Variants in SF3B1 observed in about 807,000 individuals in gnomAD.
SF3B1 encodes the protein pre-mRNA processing 10.
A neutral mutation model predicts 153.8 loss-of-function variants in SF3B1; 12 were observed. The ratio of observed to expected loss-of-function variants is 0.08; its 90% CI spans 0.05 to 0.13. The LOEUF is 0.13. Ranked by LOEUF, SF3B1 falls within the 10% of genes least tolerant of loss-of-function variation. SF3B1 has a pLI of 1.00. For synonymous variants in SF3B1, 498 were observed against 525.2 expected, an observed-to-expected ratio of 0.95 and a Z score of 0.71; for missense variants, 513 against 1,606.1, an observed-to-expected ratio of 0.32 and a Z score of 11.63.
At chr2:197,407,831 ATTTCT>A in intron 9 of SF3B1, 162 bp downstream of exon 9, 1 of 564,228 alleles carries the variant, frequency 1.8e-6, no homozygotes. Flanking sequence ...CATGTTGTTC[ATTTCT>A]TTTCATCTCT....
intron 2 of SF3B1, among the ~76,000 whole-genome samples, chr2:197,422,560 A>T (rs2565159): frequency 1.4e-3 from 214 of 152,228 alleles, no homozygotes; most frequent in African/African-American, 5.0e-3. Flanking sequence ...ATAATAATAA[A>T]AAAAGAAATA....
At chr2:197,419,092 G>T in intron 4 of SF3B1, 1 of 613,502 alleles carries the variant, frequency 1.6e-6, no homozygotes, top group Non-Finnish European at 2.8e-6. Context: ...TAAAACAATT[G>T]TAGTTTAGAA....
At chr2:197,422,322 C>G (rs1360667539) in intron 2 of SF3B1, among the ~76,000 whole-genome samples, 1 of 151,488 alleles carries the variant, frequency 6.6e-6, no homozygotes, top group Non-Finnish European at 1.5e-5. Flanking sequence ...CAGTTGGCAC[C>G]GCATGTTCTC....
intron 5 of SF3B1, among the ~76,000 whole-genome samples, chr2:197,417,575 T>TA (rs56204414): frequency 0.44 from 43,832 of 99,594 alleles, 8,995 homozygotes; most frequent in Middle Eastern, 0.57. Context: ...CCACCTCTAC[T>TA]AAAAAAAAAA....
Position 197,402,268 on chromosome 2 carries a change from A to C in SF3B1, c.2078-138T>G, listed in dbSNP as rs1287087827. 3.1e-6 allele frequency: 3 copies of C among 967,566 alleles called. No individual in the cohort carries two copies. Among genetic ancestry groups the C allele is most frequent in the African/African-American group, 3.3e-5 (2 of 60,506 alleles). 59.9% of individuals were successfully genotyped at this position (967,566 alleles called of 1,614,324 possible). A position where few individuals can be genotyped will look rare whatever the true frequency, so the allele number is the denominator to read the frequency against. On this transcript the variant is annotated intron_variant, in intron 14 of 24. Coordinates refer to ENST00000335508, the MANE Select transcript of SF3B1 (RefSeq NM_012433.4). This position sits in a 1 kb window ranked among gnomAD's most constrained non-coding sequence, Gnocchi z 4.6. ...CATTAAACAAAATTAGGTAAAAGCA[A>C]AACATGAACCATAGCCTGTCAGCAG...
At position 197,420,478 on chromosome 2, in the gene SF3B1, T is replaced by C. The variant is rs758679975; in HGVS notation, c.365A>G (p.His122Arg). Residue 122 changes from histidine (H) to arginine (R), a missense_variant, in exon 4 of 25, where the codon CAT (histidine) becomes CGT (arginine). Physicochemically the swap from His to Arg is conservative, Grantham distance 29 (BLOSUM62 0). Coordinates refer to ENST00000335508, the MANE Select transcript of SF3B1 (RefSeq NM_012433.4). ...TGGGGAAATTATCATGGTCCGCCTA[T>C]GCTTTTTGTATTCATCTTCCCGGTC... Reference protein sequence around the residue: ...IADREDEYKKHRRTMIISPER... With the variant: ...IADREDEYKKRRRTMIISPER... 6.2e-7 allele frequency: 1 copy of C among 1,613,718 alleles called. No individual in the cohort carries two copies. The highest frequency in any genetic ancestry group is 1.1e-5 in the South Asian group (1 of 91,046).
Position 197,418,499 on chromosome 2 carries a change from GT to G in SF3B1, c.495+9del. On this transcript the variant is annotated intron_variant, in intron 5 of 24. Coordinates refer to ENST00000335508, the MANE Select transcript of SF3B1 (RefSeq NM_012433.4). ...TCACAACCATTAAAACAGGAGACAG[GT>G]TTACATACTTCTTCTTTAGTCAAGT... 3 of 1,591,886 alleles carry G rather than the reference GT, an allele frequency of 1.9e-6. No individual in the cohort carries two copies. The highest frequency in any genetic ancestry group is 2.6e-6 in the Non-Finnish European group (3 of 1,161,682).
rs1174593994 is a variant in SF3B1 at position 197,390,970 on chromosome 2, G to A, written c.*1333C>T. ...GTGTCAATAGGCAGTTTTACTTACA[G>A]TAGTAGTTATATACTAATGCTGCTT... On this transcript the variant is annotated 3_prime_UTR_variant, in exon 25 of 25. Transcript: ENST00000335508. The A allele has an allele frequency of 6.6e-6, 1 of 152,120 alleles. No individual in the cohort carries two copies. Among genetic ancestry groups the A allele is most frequent in the Admixed American group, 6.6e-5 (1 of 15,264 alleles). 9.4% of individuals were successfully genotyped at this position (152,120 alleles called of 1,614,324 possible).
At chr2:197,413,557 T>C (rs948277264) in intron 6 of SF3B1, among the ~76,000 whole-genome samples, 5 of 152,226 alleles carry the variant, frequency 3.3e-5, no homozygotes, top group African/African-American at 7.2e-5. Context: ...ATCCCTGTTC[T>C]GGGTTTGGGG....
At position 197,400,984 on chromosome 2, in the gene SF3B1, GA is replaced by G. The variant is rs776911599; in HGVS notation, c.2497-49del. On this transcript the variant is annotated intron_variant, in intron 17 of 24. Coordinates refer to ENST00000335508, the MANE Select transcript of SF3B1 (RefSeq NM_012433.4). The surrounding 1 kb of genome is among the most constrained non-coding windows in gnomAD (Gnocchi z 5.0). ...AAACCTTTTAGACTGCTTTTCCAAG[GA>G]AATAAAGCAACATCATGAAAACCAA... is the stretch of plus-strand genomic sequence containing the variant. The G allele has an allele frequency of 1.5e-5, 18 of 1,197,768 alleles. No individual in the cohort carries two copies. Among genetic ancestry groups the G allele is most frequent in the Non-Finnish European group, 2.2e-5 (18 of 827,158 alleles). The allele number at this position is 1,197,768 out of a possible 1,614,324, so 74.2% of individuals were successfully genotyped here.
intron 22 of SF3B1, among the ~76,000 whole-genome samples, chr2:197,396,672 C>CGG (rs2084877782): frequency 6.6e-6 from 1 of 152,190 alleles, no homozygotes; most frequent in Non-Finnish European, 1.5e-5. Context: ...GAGTAATTCT[C>CGG]TGAGTTGTCA....
chr2:197,430,303 T>C (rs1165030694), intron 1 of SF3B1, among the ~76,000 whole-genome samples: 1 of 152,194 alleles, frequency 6.6e-6, no homozygotes, highest in Admixed American at 6.5e-5. Context: ...GAAATATTTA[T>C]GGATAAAGTG....
chr2:197,428,105 C>G (rs1156997392), intron 1 of SF3B1, among the ~76,000 whole-genome samples: 1 of 152,018 alleles, frequency 6.6e-6, no homozygotes, highest in Non-Finnish European at 1.5e-5. Context: ...CTTGAGTTCA[C>G]AAGTTCAAGG....
At position 197,400,441 on chromosome 2, in the gene SF3B1, A is replaced by C; in HGVS notation, c.2719-7T>G. On this transcript the variant is annotated splice_region_variant and splice_polypyrimidine_tract_variant and intron_variant, in intron 18 of 24. Coordinates refer to ENST00000335508, the MANE Select transcript of SF3B1 (RefSeq NM_012433.4). This position sits in a 1 kb window ranked among gnomAD's most constrained non-coding sequence, Gnocchi z 5.0. ...CGTTCAACATTACTGAGTCCTAAAA[A>C]ATAAATTTAAAAAAAAGACATATTC... 2 of 1,583,578 alleles carry C rather than the reference A, an allele frequency of 1.3e-6. No individual in the cohort carries two copies. Among genetic ancestry groups the C allele is most frequent in the Non-Finnish European group, 1.7e-6 (2 of 1,167,594 alleles).
intron 2 of SF3B1, among the ~76,000 whole-genome samples, chr2:197,422,787 G>C (rs1412109613): frequency 1.3e-5 from 2 of 151,958 alleles, no homozygotes; most frequent in Non-Finnish European, 1.5e-5. Context: ...CTACTCGGGA[G>C]GCTGAGGCAG....
Position 197,400,844 on chromosome 2 carries a change from C to A in SF3B1, c.2589G>T (p.Gln863His). 1 of 1,613,532 alleles carries A rather than the reference C, an allele frequency of 6.2e-7. No individual in the cohort carries two copies. Among genetic ancestry groups the A allele is most frequent in the Non-Finnish European group, 8.5e-7 (1 of 1,179,642 alleles). The change falls in exon 18 of 25, where the codon CAG becomes CAT. Residue 863 changes from glutamine to histidine, a missense_variant. Coordinates refer to ENST00000335508, the MANE Select transcript of SF3B1 (RefSeq NM_012433.4). The surrounding 1 kb of genome is among the most constrained non-coding windows in gnomAD (Gnocchi z 5.0). ...TTGTCTCCATCACCATTTTTCTGTA[C>A]TGTTCGGCTTCATCTTTCAGATCAT... is the stretch of plus-strand genomic sequence containing the variant. The part of the protein sequence containing the change: ...IVDDLKDEAE[Q>H]YRKMVMETIE...
intron 6 of SF3B1, among the ~76,000 whole-genome samples, chr2:197,415,205 T>C (rs2085129276): frequency 6.7e-6 from 1 of 149,882 alleles, no homozygotes; most frequent in Non-Finnish European, 1.5e-5. Flanking sequence ...GATGAGAGTC[T>C]CCAAGAGGGG....
At chr2:197,429,390 T>C (rs2085390033) in intron 1 of SF3B1, among the ~76,000 whole-genome samples, 1 of 152,204 alleles carries the variant, frequency 6.6e-6, no homozygotes, top group South Asian at 2.1e-4. Context: ...AGTGTGTTTA[T>C]CCATTCTCTA....
chr2:197,434,100 A>G (rs2085484379), intron 1 of SF3B1, among the ~76,000 whole-genome samples: 1 of 152,244 alleles, frequency 6.6e-6, no homozygotes, highest in South Asian at 2.1e-4. Context: ...GAAAGAACAT[A>G]TGAAACAAAA....
Sources: allele counts gnomAD v4.1 joint callset (sites outside exome capture counted in the v4.1 genomes callset), GRCh38; gene constraint gnomAD v4.1.1; non-coding constraint Gnocchi (gnomAD v3.1); transcripts MANE v1.5; gene names NCBI Gene and HGNC (gene_info 2026-07-23, HGNC 2026-07-21).